The following ALG6 variants were observed in gnomAD, a reference collection of about 807,000 sequenced individuals.
ALG6 encodes the protein dolichyl pyrophosphate Man9GlcNAc2 alpha-1,3-glucosyltransferase.
In ALG6, 46 loss-of-function variants were observed where a neutral mutation model predicts 66.6. The observed-to-expected ratio is 0.69, with a 90% CI of 0.55 to 0.88. The LOEUF (loss-of-function observed/expected upper bound fraction) is 0.88. Among genes scored for constraint, ALG6 ranks in the 40% least tolerant of loss-of-function variants. The pLI is 0.00. For synonymous variants in ALG6, 185 were observed against 203.7 expected (o/e 0.91, Z 0.78); for missense variants, 505 against 586.8 (o/e 0.86, Z 1.44).
intron 3 of ALG6, among the ~76,000 whole-genome samples, chr1:63,400,206 A>AT (rs1553155035): frequency 0.017 from 601 of 36,420 alleles, 112 homozygotes; most frequent in South Asian, 0.044. Flanking sequence ...AAAAAAAAAA[A>AT]ATATATATAT....
At chr1:63,411,033 A>G (rs1644513085) in intron 7 of ALG6, 113 bp from the exon 8 acceptor site, 1 of 1,008,926 alleles carries the variant, frequency 9.9e-7, no homozygotes, top group Non-Finnish European at 1.5e-6. Context: ...AAATCACATA[A>G]GAGATATGCT....
intron 2 of ALG6, among the ~76,000 whole-genome samples, chr1:63,391,891 T>A (rs562174026): frequency 1.3e-5 from 2 of 152,326 alleles, no homozygotes; most frequent in African/African-American, 4.8e-5. Context: ...AAATTTTGAT[T>A]TTAGTATTGA....
chr1:63,432,426 A>G (rs1644651158), intron 14 of ALG6, among the ~76,000 whole-genome samples: 1 of 152,098 alleles, frequency 6.6e-6, no homozygotes, highest in Admixed American at 6.5e-5. Flanking sequence ...TTTTGCATTT[A>G]TATTCATAAG....
intron 14 of ALG6, among the ~76,000 whole-genome samples, chr1:63,431,742 A>G (rs1317811937): frequency 1.1e-4 from 16 of 152,158 alleles, no homozygotes. Flanking sequence ...CTTTTGTTAA[A>G]TTTATTCTTA....
At chr1:63,414,032 G>T in intron 9 of ALG6, 29 bp from the exon 10 acceptor site, 1 of 1,509,360 alleles carries the variant, frequency 6.6e-7, no homozygotes, top group Non-Finnish European at 9.2e-7. Flanking sequence ...AATTATACCA[G>T]AATGTAAAGC....
intron 2 of ALG6, among the ~76,000 whole-genome samples, chr1:63,390,288 G>A (rs147290963): frequency 1.1e-3 from 160 of 152,306 alleles, no homozygotes; most frequent in African/African-American, 3.4e-3. Context: ...GAGTCTGCCT[G>A]GTGCTGTGCT....
intron 3 of ALG6, among the ~76,000 whole-genome samples, chr1:63,400,297 GTATATATATGTA>G (rs1644454229): frequency 4.0e-4 from 2 of 4,972 alleles, no homozygotes; most frequent in East Asian, 0.017. Flanking sequence ...ATATATATAC[GTATATATATGTA>G]TATATATATA....
intron 2 of ALG6, among the ~76,000 whole-genome samples, chr1:63,372,096 A>G (rs1647945856): frequency 6.6e-6 from 1 of 152,200 alleles, no homozygotes; most frequent in Admixed American, 6.5e-5. Context: ...TGGAGAAGGT[A>G]TTATAGAGTG....
chr1:63,436,540 G>C (rs1644679482), intron 14 of ALG6, among the ~76,000 whole-genome samples: 1 of 151,698 alleles, frequency 6.6e-6, no homozygotes, highest in Non-Finnish European at 1.5e-5. Flanking sequence ...GGAAGTATAA[G>C]AAGACAGGGG....
intron 3 of ALG6, among the ~76,000 whole-genome samples, chr1:63,398,124 CT>C (rs773714869): frequency 5.9e-5 from 9 of 152,042 alleles, no homozygotes; most frequent in Non-Finnish European, 8.8e-5. Flanking sequence ...TTGTTGACTG[CT>C]TTGGCTACTG....
At position 63,382,583 on chromosome 1, in the gene ALG6, C is replaced by T. The variant is rs562593770; in HGVS notation, c.82+11524C>T. ...CTGCCTCCCGAGTTCAAGCAGTTCT[C>T]CTGCCTCAGCCTCCTGAGTAGCTAG... On this transcript the variant is annotated intron_variant, in intron 2 of 14. Transcript: ENST00000263440. 5.3e-5 allele frequency among the ~76,000 whole-genome samples: 8 copies of T among 151,736 alleles called. No individual in the cohort carries two copies. In the East Asian group the frequency reaches 1.6e-3, roughly 29 times the overall value.
chr1:63,414,169 G>C, intron 10 of ALG6, 23 bp downstream of exon 10: 2 of 1,495,870 alleles, frequency 1.3e-6, no homozygotes, highest in Non-Finnish European at 1.9e-6. Context: ...AAGTTTGTAT[G>C]TAGTATTTTA....
chr1:63,414,929 G>T (rs1257637176), intron 10 of ALG6, among the ~76,000 whole-genome samples: 18 of 152,180 alleles, frequency 1.2e-4, no homozygotes. Flanking sequence ...GAAGGCCTCA[G>T]CCGTCTTTTA....
At chr1:63,427,953 C>T (rs557125673) in intron 12 of ALG6, among the ~76,000 whole-genome samples, 27 of 151,910 alleles carry the variant, frequency 1.8e-4, no homozygotes, top group Admixed American at 7.9e-4. Context: ...ATTACAGGCA[C>T]GCACCACCAA....
chr1:63,406,266 G>C, intron 5 of ALG6, 51 bp from the exon 6 acceptor site: 5 of 1,499,952 alleles, frequency 3.3e-6, no homozygotes, highest in Non-Finnish European at 4.6e-6. Context: ...TTAATGGGTA[G>C]CTGTAAATCC....
At chr1:63,382,703 T>C (rs1230468431) in intron 2 of ALG6, among the ~76,000 whole-genome samples, 6 of 124,018 alleles carry the variant, frequency 4.8e-5, no homozygotes, top group African/African-American at 1.9e-4. Flanking sequence ...TGAGACGGAG[T>C]CTGGCTCTGT....
chr1:63,404,595 C>G, intron 5 of ALG6, 54 bp downstream of exon 5: 1 of 1,437,686 alleles, frequency 7.0e-7, no homozygotes, highest in Non-Finnish European at 9.8e-7. Context: ...AAATTTTGGA[C>G]AAACTGGTAA....
At chr1:63,426,821 G>A (rs1202820685) in intron 12 of ALG6, among the ~76,000 whole-genome samples, 1 of 152,202 alleles carries the variant, frequency 6.6e-6, no homozygotes, top group Non-Finnish European at 1.5e-5. Flanking sequence ...CAGGATTACA[G>A]TTGTGAGCCC....
intron 8 of ALG6, among the ~76,000 whole-genome samples, chr1:63,411,631 A>G (rs1377110728): frequency 6.6e-6 from 1 of 152,230 alleles, no homozygotes; most frequent in Non-Finnish European, 1.5e-5. Context: ...TATTAGAAAT[A>G]CATCCCCATT....
Sources: allele counts gnomAD v4.1 joint callset (sites outside exome capture counted in the v4.1 genomes callset), GRCh38; gene constraint gnomAD v4.1.1; transcripts MANE v1.5; gene names NCBI Gene and HGNC (gene_info 2026-07-23, HGNC 2026-07-21).